The following CCNH variants were observed in gnomAD, a reference collection of about 807,000 sequenced individuals.
CCNH encodes cyclin-H.
Under a neutral mutation model 41.9 loss-of-function variants are expected in CCNH, and 31 were observed. The observed-to-expected ratio is 0.74, with a 90% CI of 0.56 to 1.00. The LOEUF (loss-of-function observed/expected upper bound fraction) is 1.00. Among genes scored for constraint, CCNH ranks in the 50% least tolerant of loss-of-function variants. The probability of loss-of-function intolerance (pLI) is 0.00; values close to 1 mark genes in which losing one functional copy is unlikely to be tolerated. For missense variants in CCNH, 362 were observed against 388.4 expected (o/e 0.93, Z 0.57); for synonymous variants, 138 against 136.1 (o/e 1.01, Z -0.10).
chr5:87,408,193 G>C lies in CCNH; in HGVS notation c.315-7C>G. The C allele has an allele frequency of 1.2e-5, 13 of 1,094,470 alleles. No homozygotes were observed. The highest frequency in any genetic ancestry group is 4.3e-5 in the East Asian group (1 of 23,118). 67.8% of individuals were successfully genotyped at this position (1,094,470 alleles called of 1,614,324 possible). Reference sequence around the variant, plus strand: ...CAAAAATGCACAAGTGAGCCTAGAGGAAAAAATAAGGAGGCAGGAGGCAGG... The same window carrying C: ...CAAAAATGCACAAGTGAGCCTAGAGCAAAAAATAAGGAGGCAGGAGGCAGG... On this transcript the variant is annotated splice_region_variant and splice_polypyrimidine_tract_variant and intron_variant, in intron 3 of 8. Coordinates refer to ENST00000256897, the MANE Select transcript of CCNH (RefSeq NM_001239.4).
the CCNH span, among the ~76,000 whole-genome samples, chr5:87,311,964 C>T: frequency 1.3e-5 from 2 of 152,136 alleles, no homozygotes; most frequent in Non-Finnish European, 2.9e-5. Context: ...ACAACCTAGC[C>T]CTACTGGGTT....
At chr5:87,365,355 A>C (rs937283430) in intron 9 of CCNH, among the ~76,000 whole-genome samples, 1 of 152,156 alleles carries the variant, frequency 6.6e-6, no homozygotes, top group Non-Finnish European at 1.5e-5. Flanking sequence ...ACTTGGAGAC[A>C]GAGAGCTCTT....
chr5:87,326,887 T>C (rs1446769314), intron 9 of CCNH, among the ~76,000 whole-genome samples: 1 of 152,214 alleles, frequency 6.6e-6, no homozygotes, highest in Non-Finnish European at 1.5e-5. Context: ...GATTGGTTTC[T>C]CCTGTTCTCT....
At chr5:87,400,603 C>T (rs1029093635) in intron 6 of CCNH, among the ~76,000 whole-genome samples, 3 of 152,164 alleles carry the variant, frequency 2.0e-5, no homozygotes, top group Admixed American at 6.5e-5. Context: ...AGGATCACTT[C>T]GAGCAGAGAA....
downstream of CCNH, chr5:87,391,735 A>T (rs182603054): frequency 4.3e-6 from 1 of 232,644 alleles, no homozygotes; most frequent in East Asian, 6.1e-5. Flanking sequence ...TATTTGTGCT[A>T]CCCCTTTGAT....
upstream of CCNH, among the ~76,000 whole-genome samples, chr5:87,377,772 C>G (rs1022431135): frequency 4.6e-5 from 7 of 152,160 alleles, no homozygotes; most frequent in Non-Finnish European, 8.8e-5. Context: ...CACACACCAC[C>G]AAGCACTTTG....
At chr5:87,374,230 A>G (rs1286099484), downstream of CCNH, 2 of 1,596,358 alleles carry the variant, frequency 1.3e-6, no homozygotes, top group African/African-American at 2.7e-5. Flanking sequence ...ACTAATCCAT[A>G]TTGTAACATC....
At chr5:87,411,682 T>C (rs1198862554) in intron 1 of CCNH, among the ~76,000 whole-genome samples, 2 of 152,168 alleles carry the variant, frequency 1.3e-5, no homozygotes, top group African/African-American at 2.4e-5. Context: ...TTTTAAAATA[T>C]GATTGGAAAG....
intron 9 of CCNH, among the ~76,000 whole-genome samples, chr5:87,349,608 A>C (rs976131330): frequency 5.9e-5 from 9 of 151,960 alleles, no homozygotes; most frequent in Non-Finnish European, 1.2e-4. Flanking sequence ...AATTAGACAT[A>C]AGCTGTTTGC....
chr5:87,386,112 T>C (rs1007311723), intron 9 of CCNH, among the ~76,000 whole-genome samples: 2 of 152,094 alleles, frequency 1.3e-5, no homozygotes, highest in African/African-American at 4.8e-5. Flanking sequence ...ACTATACTTT[T>C]TTCTTTTTTG....
intron 9 of CCNH, chr5:87,346,718 A>G: frequency 6.5e-7 from 1 of 1,549,208 alleles, no homozygotes; most frequent in Non-Finnish European, 8.9e-7. Flanking sequence ...TAATTTACTA[A>G]TGACAGGTAC....
downstream of CCNH, among the ~76,000 whole-genome samples, chr5:87,316,305 G>A (rs1756332293): frequency 6.6e-6 from 1 of 152,170 alleles, no homozygotes; most frequent in Non-Finnish European, 1.5e-5. Flanking sequence ...TTGAGGGCCA[G>A]TTGGTTTCAG....
At chr5:87,409,235 A>G (rs968440398) in intron 3 of CCNH, 55 bp downstream of exon 3, 105 of 1,042,278 alleles carry the variant, frequency 1.0e-4, no homozygotes, top group Non-Finnish European at 1.4e-4. Flanking sequence ...AAAATACTCA[A>G]AAGATTATAA....
intron 9 of CCNH, among the ~76,000 whole-genome samples, chr5:87,326,164 G>A (rs559502073): frequency 3.3e-5 from 5 of 152,160 alleles, no homozygotes; most frequent in South Asian, 4.1e-4. Flanking sequence ...TAGAGATGGC[G>A]TTTTGCCATA....
At chr5:87,367,462 T>C (rs1052692196) in intron 9 of CCNH, among the ~76,000 whole-genome samples, 2 of 152,230 alleles carry the variant, frequency 1.3e-5, no homozygotes. Flanking sequence ...TTAGTGCGCA[T>C]GCTCAGCCTG....
At chr5:87,362,767 TGA>T in intron 9 of CCNH, 2 of 1,415,290 alleles carry the variant, frequency 1.4e-6, no homozygotes, top group South Asian at 2.4e-5. Flanking sequence ...AGTTTTGACA[TGA>T]GTTATTAGTA....
chr5:87,344,311 A>G (rs563265756), intron 9 of CCNH, among the ~76,000 whole-genome samples: 2 of 152,288 alleles, frequency 1.3e-5, no homozygotes, highest in South Asian at 2.1e-4. Context: ...ATAAAAATAA[A>G]CAAAATAGTT....
downstream of CCNH, among the ~76,000 whole-genome samples, chr5:87,315,057 G>A (rs1041007357): frequency 2.0e-5 from 3 of 152,084 alleles, no homozygotes; most frequent in Admixed American, 6.6e-5. Context: ...AGTATAAAGA[G>A]TTTTATATTA....
chr5:87,353,359 AT>A (rs1053422669), intron 9 of CCNH: 6 of 818,506 alleles, frequency 7.3e-6, no homozygotes, highest in African/African-American at 7.0e-5. Flanking sequence ...GATTATTTAG[AT>A]TTTTTTAGAA....
Sources: gnomAD v4.1 joint callset for allele counts (sites outside exome capture counted in the v4.1 genomes callset) on GRCh38, gnomAD v4.1.1 for gene constraint, MANE v1.5 for transcripts, NCBI Gene and HGNC (gene_info 2026-07-23, HGNC 2026-07-21) for gene names.